NWD2: variants seen among roughly 807,000 people sequenced by gnomAD.
The protein encoded by NWD2 is NACHT and WD repeat domain-containing protein 2.
A neutral mutation model predicts 132.7 loss-of-function variants in NWD2; 37 were observed. The observed-to-expected ratio is 0.28, with a 90% CI of 0.21 to 0.37. NWD2 has a LOEUF of 0.37. Ranked by LOEUF, NWD2 falls within the 10% of genes least tolerant of loss-of-function variation. The pLI is 1.00. For synonymous variants in NWD2, 705 were observed against 803.0 expected, an observed-to-expected ratio of 0.88 and a Z score of 2.06; for missense variants, 1,592 against 2,122.4, an observed-to-expected ratio of 0.75 and a Z score of 4.91.
At position 37,445,283 on chromosome 4, in the gene NWD2, T is replaced by G; in HGVS notation, c.3295T>G (p.Tyr1099Asp). The G allele has an allele frequency of 1.9e-6, 3 of 1,551,980 alleles. No homozygotes were observed. The highest frequency in any genetic ancestry group is 2.6e-6 in the Non-Finnish European group (3 of 1,147,056). ...GCCGCTTTACCAGTTCCACTGCTGG[T>G]ATGAAGTGACGTGCGTCCAGTGCTC... ...GWPLYQFHCW[Y>D]EVTCVQCSLD... is the part of the protein sequence containing the mutation. Residue 1099 changes from tyrosine (Y) to aspartate (D), a missense_variant, in exon 7 of 7, where the codon TAT (tyrosine) becomes GAT (aspartate). Around this residue, in one of 7 missense-constraint regions of NWD2, gnomAD observed 1,071 missense variants for 1,398.0 expected, o/e 0.77. Transcript: ENST00000309447. This position sits in a 1 kb window ranked among gnomAD's most constrained non-coding sequence, Gnocchi z 4.7.
chr4:37,424,737 G>A (rs542309698), intron 3 of NWD2, among the ~76,000 whole-genome samples: 54 of 152,246 alleles, frequency 3.5e-4, no homozygotes, highest in Admixed American at 1.8e-3. Flanking sequence ...ACAAAACATG[G>A]CATCCATAAC....
intron 3 of NWD2, among the ~76,000 whole-genome samples, chr4:37,384,850 TG>T (rs1720528853): frequency 1.3e-5 from 2 of 152,152 alleles, no homozygotes; most frequent in Non-Finnish European, 2.9e-5. Flanking sequence ...GCCATTCATC[TG>T]TGGACAGAGC....
intron 1 of NWD2, among the ~76,000 whole-genome samples, chr4:37,258,543 G>C (rs937575851): frequency 4.6e-5 from 7 of 152,186 alleles, no homozygotes; most frequent in African/African-American, 1.7e-4. Flanking sequence ...TGGAATGAGG[G>C]AGAAGGCCCA....
chr4:37,268,243 A>G (rs755308135), intron 1 of NWD2, among the ~76,000 whole-genome samples: 5 of 151,882 alleles, frequency 3.3e-5, no homozygotes, highest in African/African-American at 4.8e-5. Flanking sequence ...AGCCCGTATT[A>G]TCTTCTCTCT....
At position 37,439,367 on chromosome 4, in the gene NWD2, C is replaced by T. The variant is rs1388547236; in HGVS notation, c.1273C>T (p.Leu425=). The T allele has an allele frequency of 6.8e-7, 1 of 1,476,914 alleles. No homozygotes were observed. Among genetic ancestry groups the T allele is most frequent in the Admixed American group, 2.7e-5 (1 of 37,388 alleles). The allele number at this position is 1,476,914 out of a possible 1,614,324, so 91.5% of individuals were successfully genotyped here. The change falls in exon 6 of 7, where the codon CTG becomes TTG. Residue 425 remains leucine, a synonymous_variant. Coordinates refer to ENST00000309447, the MANE Select transcript of NWD2 (RefSeq NM_001144990.2). This position sits in a 1 kb window ranked among gnomAD's most constrained non-coding sequence, Gnocchi z 4.5. ...YGGPCTGKTL[L]LAEVAKKAYG... ...TGGGCCATGCACTGGGAAGACCCTT[C>T]TGCTAGCTGAAGTAGCAAAGAAGGT...
At chr4:37,268,425 TA>T (rs560545135) in intron 1 of NWD2, among the ~76,000 whole-genome samples, 2 of 151,950 alleles carry the variant, frequency 1.3e-5, no homozygotes, top group Non-Finnish European at 2.9e-5. Flanking sequence ...TCTCTGTGTC[TA>T]ATGTCTTTAT....
At chr4:37,434,906 C>T (rs2109327661) in intron 5 of NWD2, among the ~76,000 whole-genome samples, 1 of 151,334 alleles carries the variant, frequency 6.6e-6, no homozygotes, top group Non-Finnish European at 1.5e-5. Flanking sequence ...GGGTGTGGCA[C>T]AAGGGATTTG....
At chr4:37,315,603 T>G (rs897063226) in intron 1 of NWD2, among the ~76,000 whole-genome samples, 6 of 152,116 alleles carry the variant, frequency 3.9e-5, no homozygotes, top group African/African-American at 1.4e-4. Context: ...AGTGTGTCTT[T>G]TATATTTAGT....
intron 1 of NWD2, among the ~76,000 whole-genome samples, chr4:37,300,532 A>G (rs1053422492): frequency 6.6e-6 from 1 of 152,164 alleles, no homozygotes; most frequent in African/African-American, 2.4e-5. Context: ...CCAAAATTAA[A>G]AAAGAAGCTG....
intron 5 of NWD2, among the ~76,000 whole-genome samples, chr4:37,437,205 A>T (rs1159070733): frequency 1.3e-5 from 2 of 152,124 alleles, no homozygotes; most frequent in Non-Finnish European, 2.9e-5. Context: ...AGCCCTGTGT[A>T]TTCAGAGCCT....
At chr4:37,422,216 A>T (rs940255906) in intron 3 of NWD2, among the ~76,000 whole-genome samples, 21 of 152,340 alleles carry the variant, frequency 1.4e-4, no homozygotes, top group African/African-American at 5.1e-4. Context: ...AGCTATGAAC[A>T]CACTGATTAT....
intron 2 of NWD2, among the ~76,000 whole-genome samples, chr4:37,332,575 TCAG>T (rs1027377335): frequency 1.3e-5 from 2 of 151,902 alleles, no homozygotes; most frequent in Admixed American, 1.3e-4. Context: ...CTCTGAATAA[TCAG>T]CAGTAATACC....
chr4:37,355,078 C>T (rs1719845940), intron 2 of NWD2, among the ~76,000 whole-genome samples: 1 of 152,156 alleles, frequency 6.6e-6, no homozygotes, highest in African/African-American at 2.4e-5. Flanking sequence ...ACATGAGAGC[C>T]AGTATGGGGC....
intron 3 of NWD2, among the ~76,000 whole-genome samples, chr4:37,410,993 C>T (rs1413885460): frequency 6.6e-6 from 1 of 152,118 alleles, no homozygotes; most frequent in Non-Finnish European, 1.5e-5. Context: ...ATATTTAAAG[C>T]AGTGTGTAGA....
At chr4:37,254,190 C>T (rs1717462705) in intron 1 of NWD2, among the ~76,000 whole-genome samples, 1 of 152,124 alleles carries the variant, frequency 6.6e-6, no homozygotes, top group Non-Finnish European at 1.5e-5. Flanking sequence ...CACTTGTATC[C>T]TGAACTTAAA....
chr4:37,272,850 T>C (rs1577651084), intron 1 of NWD2, among the ~76,000 whole-genome samples: 1 of 151,802 alleles, frequency 6.6e-6, no homozygotes, highest in African/African-American at 2.4e-5. Flanking sequence ...GATTATTGAG[T>C]GTAAACCACC....
intron 1 of NWD2, among the ~76,000 whole-genome samples, chr4:37,283,760 A>C (rs1047131728): frequency 2.0e-5 from 3 of 152,178 alleles, no homozygotes; most frequent in Non-Finnish European, 4.4e-5. Context: ...GGAGTATAAG[A>C]TAATTAAGAA....
chr4:37,346,828 C>T (rs1719647035), intron 2 of NWD2, among the ~76,000 whole-genome samples: 1 of 151,966 alleles, frequency 6.6e-6, no homozygotes, highest in Non-Finnish European at 1.5e-5. Flanking sequence ...TTCTGATGCT[C>T]TTTTAAATTG....
chr4:37,394,862 G>A (rs943355980), intron 3 of NWD2, among the ~76,000 whole-genome samples: 4 of 125,796 alleles, frequency 3.2e-5, no homozygotes, highest in African/African-American at 1.2e-4. Flanking sequence ...CCAGGCTGGA[G>A]TGTGCAGTGG....
Sources: allele counts gnomAD v4.1 joint callset (sites outside exome capture counted in the v4.1 genomes callset), GRCh38; gene constraint gnomAD v4.1.1; regional missense constraint gnomAD v4.1.1; non-coding constraint Gnocchi (gnomAD v3.1); transcripts MANE v1.5; gene names NCBI Gene and HGNC (gene_info 2026-07-23, HGNC 2026-07-21).